CBL: variants seen among roughly 807,000 people sequenced by gnomAD.
CBL encodes E3 ubiquitin-protein ligase CBL.
Under a neutral mutation model 96.9 loss-of-function variants are expected in CBL, and 45 were observed. The ratio of observed to expected loss-of-function variants is 0.46; its 90% CI spans 0.37 to 0.60. The LOEUF (loss-of-function observed/expected upper bound fraction) is 0.60, where lower values mean the gene tolerates loss of function less well. Ranked by LOEUF, CBL falls within the 20% of genes least tolerant of loss-of-function variation. The probability of loss-of-function intolerance (pLI) is 0.00; values close to 1 mark genes in which losing one functional copy is unlikely to be tolerated. For synonymous variants in CBL, 420 were observed against 426.8 expected (o/e 0.98, Z 0.20); for missense variants, 1,024 against 1,143.5 (o/e 0.90, Z 1.51).
At chr11:119,249,362 C>T (rs969151990) in intron 2 of CBL, among the ~76,000 whole-genome samples, 1 of 152,034 alleles carries the variant, frequency 6.6e-6, no homozygotes, top group African/African-American at 2.4e-5. Flanking sequence ...TTGAGACCAG[C>T]CTGGCCAACA....
intron 4 of CBL, among the ~76,000 whole-genome samples, chr11:119,274,491 G>T (rs974755710): frequency 6.6e-6 from 1 of 152,068 alleles, no homozygotes; most frequent in African/African-American, 2.4e-5. Context: ...GTGCCAATTT[G>T]CATACACATT....
At chr11:119,246,444 C>T (rs1592384383) in intron 2 of CBL, among the ~76,000 whole-genome samples, 2 of 151,828 alleles carry the variant, frequency 1.3e-5, no homozygotes, top group East Asian at 1.9e-4. Context: ...CAAAACTGAA[C>T]GAGTGTTAGT....
At chr11:119,212,524 G>T (rs1221777922) in intron 1 of CBL, among the ~76,000 whole-genome samples, 1 of 151,808 alleles carries the variant, frequency 6.6e-6, no homozygotes, top group Non-Finnish European at 1.5e-5. Context: ...TACTCGGGAG[G>T]CTGAGGCAGG....
At position 119,273,742 on chromosome 11, in the gene CBL, TG is replaced by T. The variant is rs1949866213; in HGVS notation, c.591-125del. On this transcript the variant is annotated intron_variant, in intron 3 of 15. Transcript: ENST00000264033. ...TTCTTAAAGAAGTTGACCTGTATTTTGAATTACGAGAATTGAAATTGGTATT... is the reference window on the plus strand; with the variant it reads ...TTCTTAAAGAAGTTGACCTGTATTTTAATTACGAGAATTGAAATTGGTATT... 8.4e-6 allele frequency: 7 copies of T among 835,354 alleles called. No individual in the cohort carries two copies. The East Asian group carries it at 1.8e-4, about 22-fold the overall frequency. 51.7% of individuals were successfully genotyped at this position (835,354 alleles called of 1,614,324 possible).
chr11:119,214,491 C>T (rs998976947), intron 1 of CBL, among the ~76,000 whole-genome samples: 3 of 152,094 alleles, frequency 2.0e-5, no homozygotes, highest in African/African-American at 4.8e-5. Flanking sequence ...TCAAGTGACT[C>T]GCCCACTGCG....
intron 3 of CBL, among the ~76,000 whole-genome samples, chr11:119,272,667 A>T (rs924304592): frequency 6.6e-6 from 1 of 152,110 alleles, no homozygotes; most frequent in South Asian, 2.1e-4. Context: ...AATTGGTGTA[A>T]TATTTTGCTT....
chr11:119,228,475 G>A lies in CBL; in HGVS notation c.196-3973G>A, dbSNP rs540096156. On this transcript the variant is annotated intron_variant, in intron 1 of 15. Transcript: ENST00000264033. ...ACAAAAATTAGCCGGGCATGGTGGC[G>A]CATGCCAGTAATCCCAGCTACTTGG... is the stretch of plus-strand genomic sequence containing the variant. Among the ~76,000 whole-genome samples, 4 of 152,136 alleles carry A rather than the reference G, an allele frequency of 2.6e-5. No homozygotes were observed. In the South Asian group the frequency reaches 6.2e-4, roughly 24 times the overall value.
intron 2 of CBL, among the ~76,000 whole-genome samples, chr11:119,256,521 T>G (rs1949712180): frequency 6.6e-6 from 1 of 152,142 alleles, no homozygotes; most frequent in Non-Finnish European, 1.5e-5. Context: ...TTTATCATGA[T>G]AGATTTAAGT....
In CBL at chr11:119,306,122, G is replaced by A. The variant is rs1950138208; in HGVS notation, c.*6341G>A. ...CAAAAGAGTAGGAGATGGGGAAATA[G>A]GGATGGGGAGAGCAAGCCCCGCATG... On this transcript the variant is annotated 3_prime_UTR_variant, in exon 16 of 16. Transcript: ENST00000264033. The A allele has an allele frequency of 2.5e-6, 1 of 396,632 alleles. No individual in the cohort carries two copies. Among genetic ancestry groups the A allele is most frequent in the Non-Finnish European group, 4.4e-6 (1 of 225,334 alleles). The allele number at this position is 396,632 out of a possible 1,614,324, so 24.6% of individuals were successfully genotyped here.
rs760326164 is a variant in CBL at position 119,278,171 on chromosome 11, A to C, written c.1101A>C (p.Gln367His). Reference protein sequence around the residue: ...PQDHIKVTQEQYELYCEMGST... With the variant: ...PQDHIKVTQEHYELYCEMGST... ...TTAATTTTTTTTAATCAAAGGAACAATATGAATTATACTGTGAGATGGGCT... is the reference window on the plus strand; with the variant it reads ...TTAATTTTTTTTAATCAAAGGAACACTATGAATTATACTGTGAGATGGGCT... Residue 367 changes from glutamine to histidine, a missense_variant, in exon 8 of 16, where the codon CAA becomes CAC. By Grantham distance (24) the Gln-to-His change is conservative. Coordinates refer to ENST00000264033, the MANE Select transcript of CBL (RefSeq NM_005188.4). 6.3e-7 allele frequency: 1 copy of C among 1,593,378 alleles called. No homozygotes were observed.
At chr11:119,275,192 G>C (rs1050622546) in intron 5 of CBL, among the ~76,000 whole-genome samples, 12 of 152,226 alleles carry the variant, frequency 7.9e-5, no homozygotes, top group Non-Finnish European at 1.5e-4. Flanking sequence ...TGTCATCCCA[G>C]CACTTTGGGA....
At chr11:119,279,774 G>A (rs1351848348) in intron 9 of CBL, among the ~76,000 whole-genome samples, 1 of 152,200 alleles carries the variant, frequency 6.6e-6, no homozygotes, top group Non-Finnish European at 1.5e-5. Flanking sequence ...TATTTCTGAG[G>A]ATAGGAATTC....
chr11:119,238,769 T>C (rs940425444), intron 2 of CBL, among the ~76,000 whole-genome samples: 26 of 152,050 alleles, frequency 1.7e-4, no homozygotes, highest in African/African-American at 5.8e-4. Context: ...AGGCGGAGGA[T>C]GCAGTGAGCC....
rs535695181 is a variant in CBL, at chr11:119,222,065, C to T, written c.196-10383C>T. 2.6e-4 allele frequency among the ~76,000 whole-genome samples: 40 copies of T among 152,236 alleles called. No homozygotes were observed. The South Asian group carries it at 8.3e-3, about 32-fold the overall frequency. On this transcript the variant is annotated intron_variant, in intron 1 of 15. Transcript: ENST00000264033. ...TAATGACATTTTACATGTATAGCTCCACATATTGAATACTTGTTTTTGTAG... is the reference window on the plus strand; with the variant it reads ...TAATGACATTTTACATGTATAGCTCTACATATTGAATACTTGTTTTTGTAG...
intron 1 of CBL, among the ~76,000 whole-genome samples, chr11:119,218,068 C>T (rs1949377335): frequency 6.6e-6 from 1 of 151,982 alleles, no homozygotes; most frequent in Admixed American, 6.6e-5. Flanking sequence ...GAGACCCTGT[C>T]TCTAAATAAA....
At chr11:119,293,458 G>A (rs558811720) in intron 12 of CBL, among the ~76,000 whole-genome samples, 96 of 151,940 alleles carry the variant, frequency 6.3e-4, no homozygotes, top group South Asian at 1.2e-3. Flanking sequence ...ATGGCCATAC[G>A]TAACTCCAAC....
At chr11:119,237,865 G>T (rs1341742844) in intron 2 of CBL, among the ~76,000 whole-genome samples, 4 of 151,908 alleles carry the variant, frequency 2.6e-5, no homozygotes, top group African/African-American at 9.7e-5. Flanking sequence ...TGCTATTCTG[G>T]ATCCATTGTA....
intron 2 of CBL, among the ~76,000 whole-genome samples, chr11:119,256,614 T>TTA (rs1949712955): frequency 6.6e-6 from 1 of 152,090 alleles, no homozygotes; most frequent in South Asian, 2.1e-4. Context: ...TATGAATGAA[T>TTA]TATATAGTGA....
rs143254860 is a variant in CBL at position 119,267,898 on chromosome 11, A to G, written c.444-3837A>G. Among the ~76,000 whole-genome samples, 32 of 152,370 alleles carry G rather than the reference A, an allele frequency of 2.1e-4. No homozygotes were observed. The East Asian group carries it at 6.0e-3, about 28-fold the overall frequency. ...GATGATGTAAGAGAACTGCAGAGAA[A>G]ACACTGGGATTGTTGAGCATTTTAT... On this transcript the variant is annotated intron_variant, in intron 2 of 15. Transcript: ENST00000264033.
Sources: gnomAD v4.1 joint callset for allele counts (sites outside exome capture counted in the v4.1 genomes callset) on GRCh38, gnomAD v4.1.1 for gene constraint, MANE v1.5 for transcripts, NCBI Gene and HGNC (gene_info 2026-07-23, HGNC 2026-07-21) for gene names.